CDK15: variants seen among roughly 807,000 people sequenced by gnomAD.
CDK15 encodes the protein cyclin-dependent kinase 15.
A neutral mutation model predicts 60.3 loss-of-function variants in CDK15; 62 were observed. The observed-to-expected ratio is 1.03, with a 90% CI of 0.84 to 1.27. The LOEUF is 1.27. CDK15 is among the 50% of genes most tolerant of loss of function. The pLI is 0.00. For missense variants in CDK15, 541 were observed against 527.8 expected (o/e 1.03, Z -0.25); for synonymous variants, 194 against 195.7 (o/e 0.99, Z 0.07).
At chr2:201,808,387 T>C (rs1695609227) in intron 3 of CDK15, among the ~76,000 whole-genome samples, 1 of 152,218 alleles carries the variant, frequency 6.6e-6, no homozygotes, top group South Asian at 2.1e-4. Flanking sequence ...CTGGCCTTTA[T>C]AGAAGAAACT....
In CDK15 at chr2:201,807,626, A is replaced by G; in HGVS notation, c.256A>G (p.Arg86Gly). 6.2e-7 allele frequency: 1 copy of G among 1,614,144 alleles called. No individual in the cohort carries two copies. Among genetic ancestry groups the G allele is most frequent in the Non-Finnish European group, 8.5e-7 (1 of 1,180,016 alleles). ...TGATTGTTTTCAGGAAGAGGATCTG[A>G]GGCAGGGTTTTCAGTGGGTGAGTGA... ...NSDCFQEEDL[R>G]QGFQWRKSLP... Residue 86 changes from arginine (R) to glycine (G), a missense_variant, in exon 2 of 14, where the codon AGG becomes GGG. Physicochemically the swap from Arg to Gly is moderately radical, Grantham distance 125 (BLOSUM62 -2). Transcript: ENST00000652192.
At chr2:201,863,268 G>A (rs916604894) in intron 10 of CDK15, among the ~76,000 whole-genome samples, 2 of 152,054 alleles carry the variant, frequency 1.3e-5, no homozygotes, top group Admixed American at 6.6e-5. Flanking sequence ...TTTATTGAGG[G>A]AGGAGTAGAT....
At chr2:201,829,139 G>A (rs1473418672) in intron 6 of CDK15, among the ~76,000 whole-genome samples, 1 of 152,170 alleles carries the variant, frequency 6.6e-6, no homozygotes, top group Non-Finnish European at 1.5e-5. Flanking sequence ...TTTTTATAAA[G>A]CTTACACTGA....
At chr2:201,857,936 C>G (rs1479159643) in intron 10 of CDK15, among the ~76,000 whole-genome samples, 2 of 152,190 alleles carry the variant, frequency 1.3e-5, no homozygotes, top group African/African-American at 4.8e-5. Context: ...GAAAGTGTCA[C>G]AGATGAGCAC....
chr2:201,869,079 T>A (rs982309481), intron 10 of CDK15, among the ~76,000 whole-genome samples: 2 of 152,132 alleles, frequency 1.3e-5, no homozygotes, highest in African/African-American at 4.8e-5. Context: ...CACATGCACA[T>A]GTATGTTTAT....
intron 10 of CDK15, among the ~76,000 whole-genome samples, chr2:201,858,625 C>T (rs1424740769): frequency 6.6e-6 from 1 of 151,872 alleles, no homozygotes; most frequent in Non-Finnish European, 1.5e-5. Flanking sequence ...GCAATATATC[C>T]AAATGTCAGT....
chr2:201,869,784 A>C (rs1460812339), intron 10 of CDK15, among the ~76,000 whole-genome samples: 1 of 152,170 alleles, frequency 6.6e-6, no homozygotes, highest in Non-Finnish European at 1.5e-5. Context: ...ATGGGAAAGG[A>C]TGGAAATGGA....
At chr2:201,891,447 C>T (rs1699637328) in intron 13 of CDK15, among the ~76,000 whole-genome samples, 1 of 152,182 alleles carries the variant, frequency 6.6e-6, no homozygotes, top group Non-Finnish European at 1.5e-5. Flanking sequence ...GTAAGGGTAA[C>T]AAACAAAGTT....
intron 11 of CDK15, among the ~76,000 whole-genome samples, chr2:201,876,003 G>A (rs923654155): frequency 1.3e-5 from 2 of 152,136 alleles, no homozygotes; most frequent in East Asian, 1.9e-4. Context: ...TGGGCGGGGG[G>A]TTTTCCTACC....
chr2:201,840,604 C>G (rs758067391), intron 8 of CDK15, among the ~76,000 whole-genome samples: 1 of 152,066 alleles, frequency 6.6e-6, no homozygotes, highest in South Asian at 2.1e-4. Context: ...GCAAATTCTT[C>G]GTTTTTGTTT....
chr2:201,873,855 C>G (rs533090350), intron 11 of CDK15, among the ~76,000 whole-genome samples: 150 of 152,322 alleles, frequency 9.8e-4, no homozygotes, highest in African/African-American at 3.3e-3. Flanking sequence ...GAGTTCAAGA[C>G]CAGCCTGGCC....
rs778216084 is a variant in CDK15, at chr2:201,823,699, C to G, written c.578C>G (p.Pro193Arg). The change falls in exon 6 of 14, where the codon CCA becomes CGA. Residue 193 changes from proline to arginine, a missense_variant. Transcript: ENST00000652192. ...TDLAQYMSQH[P>R]GGLHPHNVRL... The stretch of plus-strand genomic sequence containing the variant: ...CTGGCCCAGTATATGTCTCAGCATC[C>G]AGGAGGGCTTCATCCTCATAATGTC... 6.2e-7 allele frequency: 1 copy of G among 1,613,834 alleles called. No homozygotes were observed. The highest frequency in any genetic ancestry group is 1.7e-5 in the Admixed American group (1 of 60,006).
At chr2:201,883,500 T>A (rs1292381658) in intron 12 of CDK15, among the ~76,000 whole-genome samples, 1 of 152,222 alleles carries the variant, frequency 6.6e-6, no homozygotes, top group Non-Finnish European at 1.5e-5. Flanking sequence ...CAGGGGGTTA[T>A]TTGCCATGAA....
intron 6 of CDK15, among the ~76,000 whole-genome samples, chr2:201,828,311 G>C (rs886860909): frequency 2.6e-5 from 4 of 152,028 alleles, no homozygotes; most frequent in African/African-American, 9.7e-5. Context: ...AAGACAAGGA[G>C]TAGGCAACCA....
At chr2:201,813,790 T>A (rs568361319) in intron 4 of CDK15, among the ~76,000 whole-genome samples, 42 of 152,304 alleles carry the variant, frequency 2.8e-4, no homozygotes, top group African/African-American at 8.7e-4. Context: ...TTTTCAAAAG[T>A]CTTTCAGAGC....
intron 8 of CDK15, among the ~76,000 whole-genome samples, chr2:201,840,245 G>C (rs58453074): frequency 0.015 from 2,348 of 152,194 alleles, 31 homozygotes; most frequent in African/African-American, 0.032. Context: ...AAAGTGTTGG[G>C]ATTACAGGCA....
At chr2:201,825,945 G>C (rs956166519) in intron 6 of CDK15, among the ~76,000 whole-genome samples, 45 of 152,314 alleles carry the variant, frequency 3.0e-4, no homozygotes, top group Non-Finnish European at 4.3e-4. Flanking sequence ...GAATAACTGT[G>C]AGAGAGTGAG....
chr2:201,820,537 G>A (rs1696174263), intron 4 of CDK15, among the ~76,000 whole-genome samples: 1 of 152,186 alleles, frequency 6.6e-6, no homozygotes, highest in Non-Finnish European at 1.5e-5. Flanking sequence ...GGAATGAATT[G>A]AGACTTAGGT....
chr2:201,870,545 A>G (rs1247808742), intron 10 of CDK15, among the ~76,000 whole-genome samples: 1 of 148,550 alleles, frequency 6.7e-6, no homozygotes, highest in Admixed American at 6.7e-5. Context: ...CGAGACTCCC[A>G]TCTCTAAATA....
Sources: allele counts gnomAD v4.1 joint callset (sites outside exome capture counted in the v4.1 genomes callset), GRCh38; gene constraint gnomAD v4.1.1; transcripts MANE v1.5; gene names NCBI Gene and HGNC (gene_info 2026-07-23, HGNC 2026-07-21).